DNAJC2: variants seen among roughly 807,000 people sequenced by gnomAD.
The protein encoded by DNAJC2 is dnaJ homolog subfamily C member 2.
Under a neutral mutation model 94.0 loss-of-function variants are expected in DNAJC2, and 32 were observed. That is an observed-to-expected ratio of 0.34 (90% CI 0.26 to 0.46). The LOEUF (loss-of-function observed/expected upper bound fraction) is 0.46. DNAJC2 is among the 20% of genes least tolerant of loss of function. DNAJC2 has a pLI of 1.00. For synonymous variants in DNAJC2, 210 were observed against 229.7 expected, an observed-to-expected ratio of 0.91 and a Z score of 0.77; for missense variants, 550 against 719.5, an observed-to-expected ratio of 0.76 and a Z score of 2.69.
chr7:103,322,968 C>T (rs1010517219), intron 7 of DNAJC2, among the ~76,000 whole-genome samples, 174 bp from the exon 8 acceptor site: 12 of 150,698 alleles, frequency 8.0e-5, no homozygotes, highest in African/African-American at 2.4e-4. Context: ...TTGCTCTTGT[C>T]GCCCAGGCTG....
chr7:103,322,461 TA>T, intron 9 of DNAJC2, 49 bp downstream of exon 9: 1 of 1,392,892 alleles, frequency 7.2e-7, no homozygotes. Context: ...AAGTGAAGAT[TA>T]AAGATTTCAT....
At chr7:103,314,777 A>C (rs1817954705) in intron 15 of DNAJC2, 1 of 379,926 alleles carries the variant, frequency 2.6e-6, no homozygotes, top group Admixed American at 6.4e-5. Context: ...ATTTTGGGAT[A>C]ATAAGCAAGA....
chr7:103,312,511 T>G lies in DNAJC2; in HGVS notation c.*58A>C. The G allele has an allele frequency of 5.1e-6, 8 of 1,583,802 alleles. No individual in the cohort carries two copies. The highest frequency in any genetic ancestry group is 6.0e-6 in the Non-Finnish European group (7 of 1,169,376). Reference sequence around the variant, plus strand: ...ATTACCATGAGTATAATTTTAAGAATGAAAATGTTTACAGTATTTTCAGTT... The same window carrying G: ...ATTACCATGAGTATAATTTTAAGAAGGAAAATGTTTACAGTATTTTCAGTT... On this transcript the variant is annotated 3_prime_UTR_variant, in exon 17 of 17. Transcript: ENST00000379263.
chr7:103,333,816 A>C (rs562293331), intron 3 of DNAJC2, among the ~76,000 whole-genome samples: 17 of 152,146 alleles, frequency 1.1e-4, no homozygotes, highest in Non-Finnish European at 2.5e-4. Flanking sequence ...GTGTATTGGC[A>C]ATTTGTTCTT....
At chr7:103,340,605 G>A (rs1275444430) in intron 2 of DNAJC2, among the ~76,000 whole-genome samples, 1 of 152,114 alleles carries the variant, frequency 6.6e-6, no homozygotes, top group Non-Finnish European at 1.5e-5. Flanking sequence ...CACATATCTG[G>A]GAACTTTCCC....
chr7:103,312,405 AC>A lies in DNAJC2; in HGVS notation c.*163del. The A allele has an allele frequency of 6.6e-7, 1 of 1,510,892 alleles. No homozygotes were observed. The highest frequency in any genetic ancestry group is 1.3e-5 in the South Asian group (1 of 76,974). The allele number at this position is 1,510,892 out of a possible 1,614,324, so 93.6% of individuals were successfully genotyped here. On this transcript the variant is annotated 3_prime_UTR_variant, in exon 17 of 17. Coordinates refer to ENST00000379263, the MANE Select transcript of DNAJC2 (RefSeq NM_014377.3). ...CATACTTTCAAAGGATAAAAAGACT[AC>A]CCCTCTGAAGGTTGTTTTGTATTAA...
rs376694653 is a variant in DNAJC2 at position 103,322,778 on chromosome 7, A to G, written c.736T>C (p.Trp246Arg). 4.4e-6 allele frequency: 7 copies of G among 1,605,130 alleles called. No homozygotes were observed. The highest frequency in any genetic ancestry group is 5.9e-6 in the Non-Finnish European group (7 of 1,179,426). ...EKAECRDERRWIEKQNRATRA... is the reference protein window; with the variant it reads ...EKAECRDERRRIEKQNRATRA... ...GTTGCTCTGTTCTGCTTTTCAATCC[A>G]TCTCCTCTCATCACGACTATAAAAT... is the stretch of plus-strand genomic sequence containing the variant. Residue 246 changes from tryptophan (W) to arginine (R), a missense_variant, in exon 8 of 17, where the codon TGG becomes CGG. By Grantham distance (101) the Trp-to-Arg change is moderately radical. Transcript: ENST00000379263.
At chr7:103,330,069 T>C (rs1286697067) in intron 3 of DNAJC2, among the ~76,000 whole-genome samples, 1 of 152,200 alleles carries the variant, frequency 6.6e-6, no homozygotes, top group East Asian at 1.9e-4. Context: ...AGTAGGGAAT[T>C]AACTACATTT....
chr7:103,332,218 G>A (rs1209446774), intron 3 of DNAJC2, among the ~76,000 whole-genome samples: 1 of 152,142 alleles, frequency 6.6e-6, no homozygotes, highest in Non-Finnish European at 1.5e-5. Flanking sequence ...TGTTAGCCAG[G>A]ATGGTCTCGA....
At chr7:103,323,950 TC>T (rs1464509779) in intron 6 of DNAJC2, among the ~76,000 whole-genome samples, 2 of 152,228 alleles carry the variant, frequency 1.3e-5, no homozygotes, top group Non-Finnish European at 2.9e-5. Flanking sequence ...ATTTCGCTAG[TC>T]TGTCAAGTCT....
intron 2 of DNAJC2, 38 bp from the exon 3 acceptor site, chr7:103,337,849 G>A (rs747936257): frequency 1.4e-6 from 2 of 1,477,434 alleles, no homozygotes; most frequent in Non-Finnish European, 1.9e-6. Context: ...AATTTGAAAT[G>A]AAGCCAATAT....
chr7:103,319,631 C>G lies in DNAJC2; in HGVS notation c.1220G>C (p.Gly407Ala), dbSNP rs770053453. 3.1e-6 allele frequency: 5 copies of G among 1,614,114 alleles called. No individual in the cohort carries two copies. The Admixed American group carries it at 6.7e-5, about 22-fold the overall frequency. ...TACCTGTTTTTCCAAAGCAGCCTTTCCTACTTCTTTTGTGCATGATGTGAG... is the reference window on the plus strand; with the variant it reads ...TACCTGTTTTTCCAAAGCAGCCTTTGCTACTTCTTTTGTGCATGATGTGAG... ...ETLTSCTKEV[G>A]KAALEKQIEE... Residue 407 changes from glycine (G) to alanine (A), a missense_variant, in exon 12 of 17, where the codon GGA becomes GCA. By Grantham distance (60) the Gly-to-Ala change is moderately conservative. This residue lies in a region of DNAJC2 where 271 missense variants were observed against 302.6 expected (regional missense o/e 0.90). Transcript: ENST00000379263.
At chr7:103,314,842 A>G (rs919001049) in intron 15 of DNAJC2, among the ~76,000 whole-genome samples, 1 of 152,226 alleles carries the variant, frequency 6.6e-6, no homozygotes, top group East Asian at 1.9e-4. Context: ...GCTTATGTAT[A>G]GTCAAGTCTA....
intron 5 of DNAJC2, among the ~76,000 whole-genome samples, chr7:103,325,202 G>T (rs900666175): frequency 6.6e-6 from 1 of 152,318 alleles, no homozygotes; most frequent in South Asian, 2.1e-4. Flanking sequence ...CCAGCACTTT[G>T]GGAGGCCGAG....
intron 10 of DNAJC2, among the ~76,000 whole-genome samples, chr7:103,320,378 G>A (rs1311790963): frequency 1.3e-5 from 2 of 151,940 alleles, no homozygotes; most frequent in East Asian, 1.9e-4. Flanking sequence ...GAGCCACCGC[G>A]CCCGGCTGTT....
chr7:103,314,040 A>G, intron 15 of DNAJC2: 1 of 985,308 alleles, frequency 1.0e-6, no homozygotes, highest in East Asian at 1.1e-4. Context: ...AAAACAAAAC[A>G]AAACAAAACC....
At chr7:103,329,730 G>C (rs1458033283) in intron 3 of DNAJC2, among the ~76,000 whole-genome samples, 2 of 152,050 alleles carry the variant, frequency 1.3e-5, no homozygotes. Flanking sequence ...ACTTATTCTT[G>C]CCCTGGGGTT....
rs776862127 is a variant in DNAJC2, at chr7:103,316,956, C to T, written c.1301G>A (p.Arg434Gln). The change falls in exon 13 of 17, where the codon CGA becomes CAA. Residue 434 changes from arginine (R) to glutamine (Q), a missense_variant. Around this residue, in one of 2 missense-constraint regions of DNAJC2, gnomAD observed 271 missense variants for 302.6 expected, o/e 0.90. Transcript: ENST00000379263. The part of the protein sequence containing the change: ...KEKEEAEARM[R>Q]QASKNTEKST... ...TTTCTCTGTGTTCTTAGATGCTTGT[C>T]GCATACGAGCCTCAGCTTCCTCTTT... The T allele has an allele frequency of 3.7e-6, 6 of 1,613,886 alleles. No individual in the cohort carries two copies. The highest frequency in any genetic ancestry group is 4.5e-5 in the East Asian group (2 of 44,894).
At chr7:103,314,581 AGGT>A (rs1817942452) in intron 15 of DNAJC2, 2 of 985,168 alleles carry the variant, frequency 2.0e-6, no homozygotes, top group Non-Finnish European at 2.4e-6. Context: ...GTGGAGATAA[AGGT>A]GCAGGAGAAT....
Sources: gnomAD v4.1 joint callset for allele counts (sites outside exome capture counted in the v4.1 genomes callset) on GRCh38, gnomAD v4.1.1 for gene constraint, gnomAD v4.1.1 regional missense constraint, MANE v1.5 for transcripts, NCBI Gene and HGNC (gene_info 2026-07-23, HGNC 2026-07-21) for gene names.